The following MREG variants were observed in gnomAD, a reference collection of about 807,000 sequenced individuals.
The protein encoded by MREG is dilute suppressor protein homolog.
A neutral mutation model predicts 28.5 loss-of-function variants in MREG; 31 were observed. That is an observed-to-expected ratio of 1.09 (90% CI 0.82 to 1.47). The LOEUF is 1.47. Among genes scored for constraint, MREG ranks in the 40% most tolerant of loss-of-function variants. The pLI is 0.00. For synonymous variants in MREG, 106 were observed against 95.2 expected (o/e 1.11, Z -0.66); for missense variants, 256 against 257.4 (o/e 0.99, Z 0.04).
chr2:215,979,511 A>G (rs1426898978), intron 2 of MREG, among the ~76,000 whole-genome samples: 7 of 145,626 alleles, frequency 4.8e-5, no homozygotes, highest in Admixed American at 1.4e-4. Flanking sequence ...AATAATAATA[A>G]TAAAAGGTAA....
chr2:215,993,664 C>G (rs2106013525), intron 2 of MREG, among the ~76,000 whole-genome samples: 1 of 152,248 alleles, frequency 6.6e-6, no homozygotes, highest in East Asian at 1.9e-4. Context: ...TGCAATCTAT[C>G]TATCTGACAA....
intron 2 of MREG, among the ~76,000 whole-genome samples, chr2:215,989,891 C>G (rs1041811221): frequency 6.6e-6 from 1 of 151,894 alleles, no homozygotes; most frequent in Non-Finnish European, 1.5e-5. Context: ...AAATATGGGA[C>G]TATGTGAAAA....
intron 2 of MREG, among the ~76,000 whole-genome samples, chr2:215,981,206 C>T (rs1172499624): frequency 2.0e-5 from 3 of 152,140 alleles, no homozygotes; most frequent in Admixed American, 1.3e-4. Context: ...TTTGTACACC[C>T]GTGTTTGCAA....
chr2:215,987,277 G>A (rs1229284528), intron 2 of MREG, among the ~76,000 whole-genome samples: 1 of 150,982 alleles, frequency 6.6e-6, no homozygotes, highest in African/African-American at 2.4e-5. Context: ...ATGAAGTCTT[G>A]CTCTGTCACC....
At chr2:215,940,552 A>C (rs1692185601), downstream of MREG, among the ~76,000 whole-genome samples, 1 of 152,228 alleles carries the variant, frequency 6.6e-6, no homozygotes, top group Admixed American at 6.5e-5. Flanking sequence ...CTTAACATTT[A>C]ATGTCTTCAC....
chr2:215,973,914 C>A (rs768022311), intron 2 of MREG, among the ~76,000 whole-genome samples: 10 of 152,202 alleles, frequency 6.6e-5, no homozygotes, highest in Non-Finnish European at 1.3e-4. Context: ...CAACACACTT[C>A]TTGCATGCTT....
At chr2:215,956,734 C>T (rs897643867) in intron 2 of MREG, among the ~76,000 whole-genome samples, 2 of 152,094 alleles carry the variant, frequency 1.3e-5, no homozygotes, top group East Asian at 3.9e-4. Flanking sequence ...GAGATGAGGT[C>T]TCACTATGTT....
chr2:215,989,481 C>T (rs1275772385), intron 2 of MREG, among the ~76,000 whole-genome samples: 1 of 152,088 alleles, frequency 6.6e-6, no homozygotes, highest in Non-Finnish European at 1.5e-5. Flanking sequence ...ACCAGAATGC[C>T]TCTTCTCCTC....
chr2:215,959,961 CT>C (rs11403129), intron 2 of MREG, among the ~76,000 whole-genome samples: 7,749 of 148,618 alleles, frequency 0.052, 367 homozygotes, highest in African/African-American at 0.13. Context: ...ATAGATACTC[CT>C]TTTTTTTTTT....
chr2:215,979,412 G>A (rs1007697422), intron 2 of MREG, among the ~76,000 whole-genome samples: 6 of 150,430 alleles, frequency 4.0e-5, no homozygotes, highest in Admixed American at 3.3e-4. Context: ...GCAGTGAGCC[G>A]AGATCGCGCC....
In MREG at chr2:215,980,794, A is replaced by G. The variant is rs1392386046; in HGVS notation, c.255+15512T>C. 2.0e-5 allele frequency among the ~76,000 whole-genome samples: 3 copies of G among 151,224 alleles called. No homozygotes were observed. The South Asian group carries it at 6.3e-4, about 32-fold the overall frequency. Reference sequence around the variant, plus strand: ...GCCACTGCCCTCCAGCCTGGGCAACAAAGCAAGGCTCTGGCTTAAAGAAAG... The same window carrying G: ...GCCACTGCCCTCCAGCCTGGGCAACGAAGCAAGGCTCTGGCTTAAAGAAAG... On this transcript the variant is annotated intron_variant, in intron 2 of 4. Coordinates refer to ENST00000263268, the MANE Select transcript of MREG (RefSeq NM_018000.3).
At chr2:216,006,798 T>C in intron 1 of MREG, among the ~76,000 whole-genome samples, 1 of 152,218 alleles carries the variant, frequency 6.6e-6, no homozygotes, top group Non-Finnish European at 1.5e-5. Flanking sequence ...ATTATTATAC[T>C]TCTAGAGTTG....
At chr2:216,002,866 TTTTTC>T (rs1559194753) in intron 1 of MREG, among the ~76,000 whole-genome samples, 2 of 90,118 alleles carry the variant, frequency 2.2e-5, no homozygotes, top group East Asian at 3.8e-4. Flanking sequence ...CCTTTCTTTG[TTTTTC>T]TCTCTCCCTG....
chr2:216,012,756 G>A (rs1694346250), intron 1 of MREG, among the ~76,000 whole-genome samples: 1 of 152,164 alleles, frequency 6.6e-6, no homozygotes, highest in Middle Eastern at 3.4e-3. Flanking sequence ...TTTTTCATGT[G>A]AAAAATATTT....
At chr2:215,965,383 G>C (rs1292696767) in intron 2 of MREG, among the ~76,000 whole-genome samples, 1 of 152,208 alleles carries the variant, frequency 6.6e-6, no homozygotes, top group Non-Finnish European at 1.5e-5. Context: ...CATGGCGACA[G>C]CAAGAACAAG....
intron 2 of MREG, among the ~76,000 whole-genome samples, chr2:215,960,866 A>T (rs113183456): frequency 0.037 from 5,704 of 152,150 alleles, 139 homozygotes; most frequent in Middle Eastern, 0.051. Context: ...AAATAAAATT[A>T]AAAAAGCACC....
intron 1 of MREG, among the ~76,000 whole-genome samples, chr2:216,029,151 G>C (rs986092674): frequency 1.8e-4 from 27 of 152,142 alleles, no homozygotes; most frequent in African/African-American, 6.0e-4. Flanking sequence ...TAAAATAAAA[G>C]GATGAAAGCA....
chr2:215,976,099 C>T (rs1693250093), intron 2 of MREG, among the ~76,000 whole-genome samples: 1 of 116,432 alleles, frequency 8.6e-6, no homozygotes. Flanking sequence ...TAAAGCAGGA[C>T]TCCGTCTCAA....
intron 1 of MREG, among the ~76,000 whole-genome samples, chr2:216,006,721 T>C (rs3770563): frequency 0.85 from 129,188 of 152,294 alleles, 54,874 homozygotes; most frequent in East Asian, 0.98. Context: ...GGGGAGAAGA[T>C]GATTTGGTCA....
Sources: gnomAD v4.1 joint callset for allele counts (sites outside exome capture counted in the v4.1 genomes callset) on GRCh38, gnomAD v4.1.1 for gene constraint, MANE v1.5 for transcripts, NCBI Gene and HGNC (gene_info 2026-07-23, HGNC 2026-07-21) for gene names.